PACS1: variants seen among roughly 807,000 people sequenced by gnomAD.
PACS1 encodes the protein phosphofurin acidic cluster sorting protein 1, also known as PACS-1.
In PACS1, 24 loss-of-function variants were observed where a neutral mutation model predicts 115.0. The observed-to-expected ratio is 0.21, with a 90% confidence interval of 0.15 to 0.29. The LOEUF (loss-of-function observed/expected upper bound fraction) is 0.29. Among genes scored for constraint, PACS1 ranks in the 10% least tolerant of loss-of-function variants. The pLI is 1.00. For missense variants in PACS1, 838 were observed against 1,251.2 expected (o/e 0.67, Z 4.98); for synonymous variants, 453 against 504.5 (o/e 0.90, Z 1.37).
intron 1 of PACS1, among the ~76,000 whole-genome samples, chr11:66,127,072 C>G (rs952601507): frequency 2.6e-5 from 4 of 152,158 alleles, no homozygotes; most frequent in Admixed American, 2.6e-4. Flanking sequence ...TGGGTTCTCT[C>G]TAACTGATTC....
chr11:66,127,976 GAGAAAC>G, intron 1 of PACS1, among the ~76,000 whole-genome samples: 1 of 152,280 alleles, frequency 6.6e-6, no homozygotes, highest in South Asian at 2.1e-4. Flanking sequence ...ACGAGGGATG[GAGAAAC>G]ATTGTAAATG....
intron 1 of PACS1, among the ~76,000 whole-genome samples, chr11:66,108,776 GAGAA>G (rs1309076947): frequency 6.6e-6 from 1 of 151,784 alleles, no homozygotes; most frequent in Non-Finnish European, 1.5e-5. Flanking sequence ...AAAAGAAAGA[GAGAA>G]AGAGAGAAGA....
intron 1 of PACS1, among the ~76,000 whole-genome samples, chr11:66,156,821 C>A (rs1234990047): frequency 6.6e-6 from 1 of 151,434 alleles, no homozygotes; most frequent in Non-Finnish European, 1.5e-5. Context: ...CCACTGCACT[C>A]CAGCCTGGGC....
chr11:66,232,136 C>G (rs754143828), intron 13 of PACS1, 36 bp from the exon 14 acceptor site: 19 of 1,386,716 alleles, frequency 1.4e-5, no homozygotes, highest in Non-Finnish European at 2.0e-5. Context: ...TCCCCAGGGA[C>G]TCCCTAACAA....
chr11:66,107,976 T>G (rs1858089971), intron 1 of PACS1, among the ~76,000 whole-genome samples: 1 of 152,170 alleles, frequency 6.6e-6, no homozygotes, highest in Non-Finnish European at 1.5e-5. Context: ...GCCCTGCATG[T>G]GGCACCATCT....
At chr11:66,133,468 G>A (rs908696141) in intron 1 of PACS1, among the ~76,000 whole-genome samples, 3 of 152,182 alleles carry the variant, frequency 2.0e-5, no homozygotes, top group African/African-American at 7.2e-5. Context: ...CACTGGAACA[G>A]CTGATAATGT....
chr11:66,212,567 G>A (rs1460620264), intron 4 of PACS1, among the ~76,000 whole-genome samples: 3 of 151,918 alleles, frequency 2.0e-5, no homozygotes, highest in East Asian at 3.9e-4. Flanking sequence ...CTCTGTGCCC[G>A]GCCTGATATT....
At chr11:66,234,287 C>G (rs1855663276) in intron 17 of PACS1, 45 bp downstream of exon 17, 1 of 1,320,640 alleles carries the variant, frequency 7.6e-7, no homozygotes, top group South Asian at 1.2e-5. Flanking sequence ...CCGGGGTCCA[C>G]AGGTGCCAGC....
chr11:66,216,070 C>T (rs367860911), intron 4 of PACS1, 49 bp from the exon 5 acceptor site: 3 of 1,595,688 alleles, frequency 1.9e-6, no homozygotes, highest in Admixed American at 1.7e-5. Context: ...CTGTGTTTCT[C>T]CAGGTGCCTC....
chr11:66,193,291 A>G (rs1025163478), intron 1 of PACS1, among the ~76,000 whole-genome samples, 195 bp from the exon 2 acceptor site: 2 of 152,120 alleles, frequency 1.3e-5, no homozygotes, highest in Non-Finnish European at 2.9e-5. Flanking sequence ...TGGGCAACAT[A>G]GTGAGACCCA....
intron 1 of PACS1, among the ~76,000 whole-genome samples, chr11:66,128,589 A>G (rs903766955): frequency 1.3e-5 from 2 of 151,940 alleles, no homozygotes; most frequent in African/African-American, 4.9e-5. Flanking sequence ...TTAAAATTTA[A>G]CAAGTGAGTG....
At chr11:66,096,016 C>T (rs936985585) in intron 1 of PACS1, among the ~76,000 whole-genome samples, 14 of 151,598 alleles carry the variant, frequency 9.2e-5, no homozygotes, top group Non-Finnish European at 7.4e-5. Flanking sequence ...TTCACTGCAA[C>T]CTCCACCTCC....
intron 1 of PACS1, among the ~76,000 whole-genome samples, chr11:66,094,644 T>C (rs1285028295): frequency 2.0e-5 from 3 of 152,254 alleles, no homozygotes; most frequent in Non-Finnish European, 4.4e-5. Context: ...CCATTCCTTC[T>C]GAAACTATTC....
intron 1 of PACS1, among the ~76,000 whole-genome samples, chr11:66,139,190 T>C (rs975977664): frequency 6.6e-6 from 1 of 152,164 alleles, no homozygotes; most frequent in Non-Finnish European, 1.5e-5. Context: ...AATATATAAA[T>C]TTTTAATTTT....
At chr11:66,142,530 A>G (rs2134595964) in intron 1 of PACS1, among the ~76,000 whole-genome samples, 1 of 147,404 alleles carries the variant, frequency 6.8e-6, no homozygotes, top group African/African-American at 2.5e-5. Flanking sequence ...CTGGTCTTGA[A>G]CTCCTGAGCT....
chr11:66,136,251 C>G (rs1858840957), intron 1 of PACS1, among the ~76,000 whole-genome samples: 1 of 146,902 alleles, frequency 6.8e-6, no homozygotes, highest in Non-Finnish European at 1.5e-5. Context: ...ACAGGACTGC[C>G]CAATCCCGCT....
At chr11:66,231,722 TC>T (rs930437576) in intron 13 of PACS1, 3 of 175,234 alleles carry the variant, frequency 1.7e-5, no homozygotes, top group African/African-American at 7.1e-5. Context: ...TACCTTTTGT[TC>T]CCTCAGACAG....
At chr11:66,158,082 T>C (rs886944131) in intron 1 of PACS1, among the ~76,000 whole-genome samples, 2 of 152,174 alleles carry the variant, frequency 1.3e-5, no homozygotes, top group African/African-American at 4.8e-5. Context: ...TCTTCTCACC[T>C]CAGCCTCCCG....
chr11:66,200,052 A>AC (rs1356770767), intron 2 of PACS1, among the ~76,000 whole-genome samples: 20 of 140,012 alleles, frequency 1.4e-4, no homozygotes, highest in South Asian at 6.9e-4. Flanking sequence ...ACAAAACAAA[A>AC]AAAAAAACAA....
Sources: gnomAD v4.1 joint callset for allele counts (sites outside exome capture counted in the v4.1 genomes callset) on GRCh38, gnomAD v4.1.1 for gene constraint, MANE v1.5 for transcripts, NCBI Gene and HGNC (gene_info 2026-07-23, HGNC 2026-07-21) for gene names.